The following LPP variants were observed in gnomAD, a reference collection of about 807,000 sequenced individuals.
The protein encoded by LPP is lipoma-preferred partner.
In LPP, 38 loss-of-function variants were observed where a neutral mutation model predicts 60.4. The observed-to-expected ratio is 0.63, with a 90% confidence interval of 0.49 to 0.83. The LOEUF is 0.83. Ranked by LOEUF, LPP falls within the 40% of genes least tolerant of loss-of-function variation. LPP has a pLI of 0.00. For synonymous variants in LPP, 328 were observed against 290.8 expected (o/e 1.13, Z -1.30); for missense variants, 902 against 783.6 (o/e 1.15, Z -1.80).
intron 1 of LPP, among the ~76,000 whole-genome samples, chr3:188,159,038 C>G (rs888043964): frequency 7.2e-5 from 11 of 152,178 alleles, no homozygotes; most frequent in Non-Finnish European, 1.5e-4. Context: ...GCCTCTCTAG[C>G]AAATCATCTG....
At chr3:188,421,697 T>C (rs1388254240) in intron 4 of LPP, among the ~76,000 whole-genome samples, 1 of 152,192 alleles carries the variant, frequency 6.6e-6, no homozygotes, top group East Asian at 1.9e-4. Context: ...GCTTTTATAT[T>C]GTGAAAGTTA....
intron 9 of LPP, among the ~76,000 whole-genome samples, chr3:188,859,794 T>A (rs1322674194): frequency 6.6e-6 from 1 of 152,214 alleles, no homozygotes; most frequent in East Asian, 1.9e-4. Context: ...ATAGCTGTCA[T>A]CTTCAGGGGT....
At chr3:188,420,141 C>T (rs1787406416) in intron 4 of LPP, among the ~76,000 whole-genome samples, 1 of 151,870 alleles carries the variant, frequency 6.6e-6, no homozygotes, top group African/African-American at 2.4e-5. Flanking sequence ...TCATGCTGAC[C>T]ATTTAAAAAA....
At chr3:188,613,169 C>G (rs985010796) in intron 7 of LPP, among the ~76,000 whole-genome samples, 1 of 150,168 alleles carries the variant, frequency 6.7e-6, no homozygotes, top group Admixed American at 6.6e-5. Context: ...AATCTCTTCT[C>G]TTTGCTGATT....
chr3:188,457,511 T>A (rs1000906668), intron 4 of LPP, among the ~76,000 whole-genome samples: 1 of 151,994 alleles, frequency 6.6e-6, no homozygotes, highest in African/African-American at 2.4e-5. Context: ...TCACTATCAT[T>A]GGTCTAAGCG....
intron 5 of LPP, among the ~76,000 whole-genome samples, chr3:188,488,859 A>C (rs1807443450): frequency 6.6e-6 from 1 of 151,948 alleles, no homozygotes; most frequent in Non-Finnish European, 1.5e-5. Flanking sequence ...GGTTGGTCTC[A>C]AACTCCTGAC....
intron 5 of LPP, among the ~76,000 whole-genome samples, chr3:188,509,691 T>G (rs1379158206): frequency 9.1e-6 from 1 of 110,482 alleles, no homozygotes; most frequent in Non-Finnish European, 1.9e-5. Flanking sequence ...CCTTCCTCTC[T>G]CTCTCTCTTT....
At chr3:188,385,905 T>C (rs1778138869) in intron 3 of LPP, among the ~76,000 whole-genome samples, 1 of 152,188 alleles carries the variant, frequency 6.6e-6, no homozygotes, top group Admixed American at 6.5e-5. Context: ...AGTATACTCT[T>C]CTTTCTTTAT....
rs117883075 is a variant in LPP at position 188,359,536 on chromosome 3, G to A, written c.-10+17817G>A. Reference sequence around the variant, plus strand: ...GCATTGGCCCGAAAGGGGAAGAGAGGCAGTAAGTGGACTGTAAAGAGTGCT... The same window carrying A: ...GCATTGGCCCGAAAGGGGAAGAGAGACAGTAAGTGGACTGTAAAGAGTGCT... On this transcript the variant is annotated intron_variant, in intron 3 of 11. Coordinates refer to ENST00000617246, the MANE Select transcript of LPP (RefSeq NM_001375462.1). Among the ~76,000 whole-genome samples the A allele has an allele frequency of 1.5e-4, 23 of 152,282 alleles. No homozygotes were observed. The East Asian group carries it at 2.5e-3, about 17-fold the overall frequency.
At chr3:188,585,932 A>G (rs1025385585) in intron 6 of LPP, among the ~76,000 whole-genome samples, 3 of 152,232 alleles carry the variant, frequency 2.0e-5, no homozygotes, top group Non-Finnish European at 4.4e-5. Context: ...TTAAGGTGCT[A>G]TAGCATAAGG....
At chr3:188,249,516 C>A (rs1042667561) in intron 2 of LPP, among the ~76,000 whole-genome samples, 14 of 151,612 alleles carry the variant, frequency 9.2e-5, no homozygotes, top group African/African-American at 3.4e-4. Flanking sequence ...TTGTGTAGCT[C>A]TGAAATAAAT....
At chr3:188,814,645 A>G (rs887500915) in intron 9 of LPP, among the ~76,000 whole-genome samples, 2 of 152,212 alleles carry the variant, frequency 1.3e-5, no homozygotes, top group African/African-American at 2.4e-5. Flanking sequence ...TATCAGGTTT[A>G]TTGTGACTTG....
At chr3:188,682,770 G>A (rs566560073) in intron 7 of LPP, among the ~76,000 whole-genome samples, 6 of 152,210 alleles carry the variant, frequency 3.9e-5, no homozygotes, top group East Asian at 1.9e-4. Flanking sequence ...TTACTGAAAC[G>A]GAAGCCAGGC....
At chr3:188,592,974 C>G (rs1485067207) in intron 6 of LPP, among the ~76,000 whole-genome samples, 1 of 152,108 alleles carries the variant, frequency 6.6e-6, no homozygotes, top group African/African-American at 2.4e-5. Context: ...CAAAGTTGAA[C>G]TCTCCTCTTA....
chr3:188,759,195 A>G (rs908067776), intron 8 of LPP: 1 of 152,242 alleles, frequency 6.6e-6, no homozygotes, highest in African/African-American at 2.4e-5. Context: ...GTCTGAATTT[A>G]TATTTTATTG....
At chr3:188,453,519 C>A (rs1313754107) in intron 4 of LPP, among the ~76,000 whole-genome samples, 1 of 152,046 alleles carries the variant, frequency 6.6e-6, no homozygotes, top group African/African-American at 2.4e-5. Context: ...CCGACGGGAT[C>A]TGCTTGTCTC....
intron 9 of LPP, among the ~76,000 whole-genome samples, chr3:188,858,187 G>A (rs1052027114): frequency 6.6e-6 from 1 of 152,094 alleles, no homozygotes; most frequent in Non-Finnish European, 1.5e-5. Context: ...GACTTATGTT[G>A]TAAAGGCAAA....
At chr3:188,723,072 C>T (rs1466298721) in intron 8 of LPP, among the ~76,000 whole-genome samples, 2 of 152,132 alleles carry the variant, frequency 1.3e-5, no homozygotes, top group Non-Finnish European at 2.9e-5. Context: ...ACAATGTTCT[C>T]GTTTGCTGAG....
intron 2 of LPP, among the ~76,000 whole-genome samples, chr3:188,309,022 CTTTTTTT>C (rs777945680): frequency 3.3e-5 from 4 of 119,714 alleles, no homozygotes; most frequent in African/African-American, 6.3e-5. Flanking sequence ...TCTTCTTCTT[CTTTTTTT>C]TTTTTTTTTT....
Sources: gnomAD v4.1 joint callset for allele counts (sites outside exome capture counted in the v4.1 genomes callset) on GRCh38, gnomAD v4.1.1 for gene constraint, MANE v1.5 for transcripts, NCBI Gene and HGNC (gene_info 2026-07-23, HGNC 2026-07-21) for gene names.